The following TTLL5 variants were observed in gnomAD, a reference collection of about 807,000 sequenced individuals.
The protein encoded by TTLL5 is tubulin tyrosine ligase like 5, also known as tubulin polyglutamylase TTLL5.
A neutral mutation model predicts 168.4 loss-of-function variants in TTLL5; 132 were observed. The ratio of observed to expected loss-of-function variants is 0.78; its 90% CI spans 0.68 to 0.91. TTLL5 has a LOEUF of 0.91. TTLL5 is among the 40% of genes least tolerant of loss of function. The probability of loss-of-function intolerance (pLI) is 0.00; values close to 1 mark genes in which losing one functional copy is unlikely to be tolerated. For missense variants in TTLL5, 1,545 were observed against 1,581.5 expected, an observed-to-expected ratio of 0.98 and a Z score of 0.39; for synonymous variants, 546 against 558.6, an observed-to-expected ratio of 0.98 and a Z score of 0.32.
chr14:75,817,081 G>A (rs182665925), intron 27 of TTLL5, among the ~76,000 whole-genome samples: 2 of 141,990 alleles, frequency 1.4e-5, no homozygotes, highest in East Asian at 4.3e-4. Flanking sequence ...CTGGGTTCAA[G>A]CAATTCTCCT....
intron 28 of TTLL5, among the ~76,000 whole-genome samples, chr14:75,830,737 TATTC>T (rs1211774292): frequency 6.6e-6 from 1 of 152,242 alleles, no homozygotes; most frequent in Non-Finnish European, 1.5e-5. Context: ...TATGTTGTCT[TATTC>T]ATTATTGTAT....
At chr14:75,765,988 G>C in intron 19 of TTLL5, 74 bp from the exon 20 acceptor site, 1 of 1,385,178 alleles carries the variant, frequency 7.2e-7, no homozygotes. Flanking sequence ...TTACTAAAAA[G>C]AGAAAAGGAA....
intron 6 of TTLL5, among the ~76,000 whole-genome samples, chr14:75,696,230 T>C (rs1432037157): frequency 6.6e-6 from 1 of 152,144 alleles, no homozygotes. Flanking sequence ...TAGAACCTTG[T>C]ACTTCCTTTT....
At chr14:75,718,984 C>T (rs1323249338) in intron 10 of TTLL5, among the ~76,000 whole-genome samples, 2 of 152,128 alleles carry the variant, frequency 1.3e-5, no homozygotes, top group African/African-American at 4.8e-5. Context: ...GAGATCATAC[C>T]TCCACTGTGA....
At chr14:75,790,097 A>AG (rs1892609479) in intron 26 of TTLL5, among the ~76,000 whole-genome samples, 1 of 152,226 alleles carries the variant, frequency 6.6e-6, no homozygotes, top group African/African-American at 2.4e-5. Flanking sequence ...ATCAGAAGAA[A>AG]GGGAGAGATG....
intron 26 of TTLL5, among the ~76,000 whole-genome samples, chr14:75,790,475 T>C (rs1010342842): frequency 2.0e-5 from 3 of 151,400 alleles, no homozygotes; most frequent in Admixed American, 1.3e-4. Context: ...TTTTTTTCTT[T>C]TTTTTTTTTA....
chr14:75,802,914 A>G (rs1313798753), intron 27 of TTLL5, among the ~76,000 whole-genome samples: 2 of 152,208 alleles, frequency 1.3e-5, no homozygotes, highest in Admixed American at 1.3e-4. Flanking sequence ...TGGCAGAAGA[A>G]GGGGAGAAAC....
chr14:75,691,527 C>T (rs1438097118), intron 6 of TTLL5, among the ~76,000 whole-genome samples: 2 of 152,198 alleles, frequency 1.3e-5, no homozygotes. Context: ...ATGAGTTATG[C>T]AGCTTGCAAA....
At chr14:75,669,697 CCT>C (rs1883565626) in intron 3 of TTLL5, among the ~76,000 whole-genome samples, 175 bp downstream of exon 3, 1 of 151,054 alleles carries the variant, frequency 6.6e-6, no homozygotes, top group Admixed American at 6.6e-5. Context: ...TTATGTTTTT[CCT>C]CTGATTTTTT....
At chr14:75,864,618 C>T (rs559339605) in intron 29 of TTLL5, among the ~76,000 whole-genome samples, 1,960 of 152,160 alleles carry the variant, frequency 0.013, 50 homozygotes, top group African/African-American at 0.042. Context: ...GATGACCTCA[C>T]CGAAAATTCA....
chr14:75,776,879 T>C (rs1891749738), intron 23 of TTLL5, 29 bp downstream of exon 23: 1 of 1,550,228 alleles, frequency 6.5e-7, no homozygotes, highest in Non-Finnish European at 8.9e-7. Flanking sequence ...TGATAAAAGC[T>C]GTCTTATTCC....
intron 29 of TTLL5, among the ~76,000 whole-genome samples, chr14:75,879,579 A>G (rs1033197026): frequency 4.6e-5 from 7 of 152,160 alleles, no homozygotes; most frequent in East Asian, 3.8e-4. Context: ...CAAAAATCCA[A>G]TGAAGTAATT....
chr14:75,836,771 A>C (rs920372318), intron 28 of TTLL5, among the ~76,000 whole-genome samples: 1 of 152,214 alleles, frequency 6.6e-6, no homozygotes, highest in Non-Finnish European at 1.5e-5. Flanking sequence ...ACACCTGTGA[A>C]GTTTTCTCAA....
chr14:75,874,262 T>C (rs553298309), intron 29 of TTLL5, among the ~76,000 whole-genome samples: 11 of 152,100 alleles, frequency 7.2e-5, no homozygotes, highest in Non-Finnish European at 1.3e-4. Flanking sequence ...CAGCTAATTT[T>C]TTGTATTATT....
chr14:75,680,285 A>C (rs993112443), intron 3 of TTLL5, among the ~76,000 whole-genome samples: 25 of 152,194 alleles, frequency 1.6e-4, no homozygotes, highest in Non-Finnish European at 1.8e-4. Flanking sequence ...TGATTGAGTG[A>C]GGCAGGCTGG....
intron 15 of TTLL5, among the ~76,000 whole-genome samples, chr14:75,741,440 A>G (rs1210145226): frequency 6.6e-6 from 1 of 151,840 alleles, no homozygotes; most frequent in Non-Finnish European, 1.5e-5. Context: ...GATGTGCCCA[A>G]AGGCAAAGCT....
chr14:75,777,819 C>T (rs907933665), intron 23 of TTLL5, among the ~76,000 whole-genome samples: 3 of 152,106 alleles, frequency 2.0e-5, no homozygotes, highest in Non-Finnish European at 4.4e-5. Context: ...TCAGACCTCA[C>T]TATCATGCGC....
At chr14:75,932,394 G>A (rs1461919224) in intron 31 of TTLL5, among the ~76,000 whole-genome samples, 1 of 152,132 alleles carries the variant, frequency 6.6e-6, no homozygotes, top group Non-Finnish European at 1.5e-5. Context: ...ATTTAGAATT[G>A]ACTCAGTAGC....
intron 28 of TTLL5, among the ~76,000 whole-genome samples, chr14:75,843,039 A>C (rs937762554): frequency 2.6e-5 from 4 of 152,154 alleles, no homozygotes; most frequent in Non-Finnish European, 5.9e-5. Context: ...AGTATGCCCA[A>C]ATTTCTTTTC....
Sources: allele counts gnomAD v4.1 joint callset (sites outside exome capture counted in the v4.1 genomes callset), GRCh38; gene constraint gnomAD v4.1.1; transcripts MANE v1.5; gene names NCBI Gene and HGNC (gene_info 2026-07-23, HGNC 2026-07-21).